Variants in STK32B observed in about 807,000 individuals in gnomAD.
STK32B encodes the protein serine/threonine kinase 32B.
In STK32B, 43 loss-of-function variants were observed where a neutral mutation model predicts 52.6. That is an observed-to-expected ratio of 0.82 (90% CI 0.64 to 1.05). STK32B has a LOEUF of 1.05. Among genes scored for constraint, STK32B ranks in the 50% least tolerant of loss-of-function variants. The probability of loss-of-function intolerance (pLI) is 0.00; values close to 1 mark genes in which losing one functional copy is unlikely to be tolerated. For synonymous variants in STK32B, 238 were observed against 204.3 expected (o/e 1.17, Z -1.41); for missense variants, 621 against 534.6 (o/e 1.16, Z -1.59).
At chr4:5,370,272 C>T (rs186591284) in intron 4 of STK32B, among the ~76,000 whole-genome samples, 12 of 152,294 alleles carry the variant, frequency 7.9e-5, no homozygotes, top group Non-Finnish European at 1.2e-4. Context: ...ACATCTTGTT[C>T]GCTGTGGTAT....
At chr4:5,269,256 C>T (rs545875137) in intron 3 of STK32B, among the ~76,000 whole-genome samples, 2 of 152,250 alleles carry the variant, frequency 1.3e-5, no homozygotes, top group South Asian at 4.1e-4. Flanking sequence ...GAAAAGTGCC[C>T]ATGCCCACCA....
chr4:5,189,160 C>T (rs62290530), intron 3 of STK32B, among the ~76,000 whole-genome samples: 6,631 of 152,222 alleles, frequency 0.044, 472 homozygotes, highest in African/African-American at 0.15. Flanking sequence ...TGGCACATCA[C>T]TATCACCCAG....
rs769128220 is a variant in STK32B, at chr4:5,122,194, A to G, written c.53-17711A>G. Among the ~76,000 whole-genome samples the G allele has an allele frequency of 5.9e-5, 9 of 152,232 alleles. No homozygotes were observed. In the East Asian group the frequency reaches 1.7e-3, roughly 29 times the overall value. ...CACTTCTTCACTCCTTCACTCACTC[A>G]TTCACTCATTCTTTTACTCATTCAC... On this transcript the variant is annotated intron_variant, in intron 1 of 11. Coordinates refer to ENST00000282908, the MANE Select transcript of STK32B (RefSeq NM_018401.3).
chr4:5,418,123 T>C (rs1374246301), intron 6 of STK32B, among the ~76,000 whole-genome samples: 2 of 152,248 alleles, frequency 1.3e-5, no homozygotes, highest in Non-Finnish European at 2.9e-5. Context: ...AGAAGGCTGA[T>C]GCACTGGGGA....
chr4:5,068,802 A>G (rs1711580646), intron 1 of STK32B, among the ~76,000 whole-genome samples: 1 of 152,218 alleles, frequency 6.6e-6, no homozygotes, highest in South Asian at 2.1e-4. Context: ...TAAATAGAAA[A>G]TGAGATAAAA....
intron 1 of STK32B, among the ~76,000 whole-genome samples, chr4:5,053,583 T>C (rs897306099): frequency 6.6e-6 from 1 of 152,210 alleles, no homozygotes; most frequent in African/African-American, 2.4e-5. Flanking sequence ...ATTGGCAAAA[T>C]AGTTATCTCT....
chr4:5,438,166 A>T (rs2369709), intron 6 of STK32B: 1 of 976,762 alleles, frequency 1.0e-6, no homozygotes, highest in Non-Finnish European at 1.2e-6. Context: ...CTGGCCCAGC[A>T]TGAAGGGACT....
At chr4:5,356,207 C>G (rs528756728) in intron 4 of STK32B, among the ~76,000 whole-genome samples, 57 of 152,252 alleles carry the variant, frequency 3.7e-4, no homozygotes, top group African/African-American at 1.3e-3. Context: ...ATTCCTCAGC[C>G]TGTGGCAGCA....
At chr4:5,422,800 G>T (rs1712755231) in intron 6 of STK32B, among the ~76,000 whole-genome samples, 1 of 152,142 alleles carries the variant, frequency 6.6e-6, no homozygotes, top group Admixed American at 6.5e-5. Context: ...GGTGCTTCTG[G>T]CATGAAGAGG....
At chr4:5,071,953 A>T (rs930205815) in intron 1 of STK32B, among the ~76,000 whole-genome samples, 2 of 152,296 alleles carry the variant, frequency 1.3e-5, no homozygotes, top group South Asian at 4.1e-4. Context: ...AGGCCATGGC[A>T]TGCAGGTTGC....
chr4:5,268,258 C>G (rs1262523286), intron 3 of STK32B, among the ~76,000 whole-genome samples: 1 of 152,128 alleles, frequency 6.6e-6, no homozygotes, highest in Non-Finnish European at 1.5e-5. Flanking sequence ...GCAATCTAAC[C>G]CCTGCTTCTC....
At chr4:5,201,883 G>T (rs1300623893) in intron 3 of STK32B, among the ~76,000 whole-genome samples, 1 of 152,158 alleles carries the variant, frequency 6.6e-6, no homozygotes, top group Non-Finnish European at 1.5e-5. Context: ...TACAATTTGA[G>T]ATGATATTTG....
the STK32B span, among the ~76,000 whole-genome samples, chr4:5,040,848 T>A: frequency 6.6e-6 from 1 of 152,170 alleles, no homozygotes; most frequent in Non-Finnish European, 1.5e-5. Context: ...CTATGTGGTG[T>A]AGCCAATAGC....
chr4:5,044,457 C>G, the STK32B span, among the ~76,000 whole-genome samples: 1 of 152,152 alleles, frequency 6.6e-6, no homozygotes, highest in Non-Finnish European at 1.5e-5. Flanking sequence ...CCTGCCACAC[C>G]AAAACACAGG....
At chr4:5,487,323 T>C (rs956880176) in intron 11 of STK32B, among the ~76,000 whole-genome samples, 1 of 152,202 alleles carries the variant, frequency 6.6e-6, no homozygotes, top group African/African-American at 2.4e-5. Context: ...TCTGGAAGTG[T>C]TGAGTTAACA....
At chr4:5,449,869 C>T (rs1715827135) in intron 7 of STK32B, among the ~76,000 whole-genome samples, 1 of 152,094 alleles carries the variant, frequency 6.6e-6, no homozygotes, top group African/African-American at 2.4e-5. Context: ...ATGCGACTGC[C>T]TAGTTGTAGG....
intron 1 of STK32B, among the ~76,000 whole-genome samples, chr4:5,113,324 G>T (rs1714511491): frequency 6.6e-6 from 1 of 152,106 alleles, no homozygotes; most frequent in Non-Finnish European, 1.5e-5. Context: ...CTTGATCTTG[G>T]ATTCCCCAGC....
intron 3 of STK32B, among the ~76,000 whole-genome samples, chr4:5,281,482 C>G (rs1339423420): frequency 6.6e-6 from 1 of 152,104 alleles, no homozygotes; most frequent in Non-Finnish European, 1.5e-5. Flanking sequence ...GGACAAATAC[C>G]TAATGCGTGC....
chr4:5,246,255 G>T (rs1725444941), intron 3 of STK32B, among the ~76,000 whole-genome samples: 3 of 152,046 alleles, frequency 2.0e-5, no homozygotes, highest in Non-Finnish European at 4.4e-5. Context: ...CATATTTCTT[G>T]GAAGCTTTGT....
Sources: allele counts gnomAD v4.1 joint callset (sites outside exome capture counted in the v4.1 genomes callset), GRCh38; gene constraint gnomAD v4.1.1; transcripts MANE v1.5; gene names NCBI Gene and HGNC (gene_info 2026-07-23, HGNC 2026-07-21).